BMAL2: variants seen among roughly 807,000 people sequenced by gnomAD.
The protein encoded by BMAL2 is basic helix-loop-helix ARNT like 2, also known as basic helix-loop-helix ARNT-like protein 2.
the BMAL2 span, among the ~76,000 whole-genome samples, chr12:27,333,868 T>C: frequency 4.6e-5 from 7 of 152,276 alleles, no homozygotes; most frequent in Admixed American, 4.6e-4. Context: ...ACTGGCAGTA[T>C]TCTGTAGTTC....
At chr12:27,365,528 C>A in the BMAL2 span, among the ~76,000 whole-genome samples, 2 of 151,750 alleles carry the variant, frequency 1.3e-5, no homozygotes, top group Non-Finnish European at 2.9e-5. Flanking sequence ...CTCTTTTTTT[C>A]ATATAGTGGA....
the BMAL2 span, among the ~76,000 whole-genome samples, chr12:27,381,168 A>G: frequency 6.6e-6 from 1 of 152,140 alleles, no homozygotes; most frequent in Non-Finnish European, 1.5e-5. Context: ...CACTGGGGGA[A>G]GGAGGTCCTT....
At chr12:27,365,857 G>A in the BMAL2 span, among the ~76,000 whole-genome samples, 16 of 150,410 alleles carry the variant, frequency 1.1e-4, no homozygotes, top group African/African-American at 2.2e-4. Context: ...ATTATTTCTG[G>A]TCTTATGATT....
chr12:27,408,831 A>G, the BMAL2 span, among the ~76,000 whole-genome samples: 4 of 152,236 alleles, frequency 2.6e-5, no homozygotes, highest in Non-Finnish European at 5.9e-5. Context: ...ACATGATTGT[A>G]TATCTAGAAA....
the BMAL2 span, among the ~76,000 whole-genome samples, chr12:27,354,657 T>A: frequency 0.45 from 68,045 of 152,098 alleles, 15,376 homozygotes; most frequent in Admixed American, 0.52. Context: ...TATCTTCATG[T>A]TTTGTGTATA....
the BMAL2 span, among the ~76,000 whole-genome samples, chr12:27,346,203 T>C: frequency 4.4e-4 from 66 of 149,220 alleles, no homozygotes; most frequent in East Asian, 0.012. Context: ...ATTTACCTTC[T>C]TACTTATTCC....
the BMAL2 span, among the ~76,000 whole-genome samples, chr12:27,362,892 C>T: frequency 1.3e-5 from 2 of 152,174 alleles, no homozygotes; most frequent in South Asian, 4.1e-4. Flanking sequence ...TAACCCTCAA[C>T]TCCTGGACTC....
At chr12:27,392,974 A>G in the BMAL2 span, among the ~76,000 whole-genome samples, 5 of 149,890 alleles carry the variant, frequency 3.3e-5, no homozygotes, top group East Asian at 9.9e-4. Flanking sequence ...AAAGCTTGCA[A>G]CTCTACAGGC....
the BMAL2 span, among the ~76,000 whole-genome samples, chr12:27,390,968 A>G: frequency 7.9e-5 from 12 of 152,340 alleles, no homozygotes; most frequent in African/African-American, 2.6e-4. Flanking sequence ...TTTGACAAAC[A>G]CCTGAAACGG....
chr12:27,350,674 G>A, the BMAL2 span, among the ~76,000 whole-genome samples: 1 of 152,098 alleles, frequency 6.6e-6, no homozygotes, highest in Non-Finnish European at 1.5e-5. Context: ...AAACTTTTTA[G>A]TGTATTTCTT....
chr12:27,414,824 C>T, the BMAL2 span, among the ~76,000 whole-genome samples: 2 of 152,068 alleles, frequency 1.3e-5, no homozygotes, highest in Admixed American at 6.5e-5. Flanking sequence ...ATAGAAATGA[C>T]TGATGAAACT....
chr12:27,377,899 G>A, the BMAL2 span, among the ~76,000 whole-genome samples: 678 of 152,202 alleles, frequency 4.5e-3, 6 homozygotes, highest in African/African-American at 0.014. Context: ...TGAATGGTTG[G>A]GGCAGGGGGT....
At chr12:27,340,241 A>G in the BMAL2 span, among the ~76,000 whole-genome samples, 1 of 152,086 alleles carries the variant, frequency 6.6e-6, no homozygotes, top group Non-Finnish European at 1.5e-5. Context: ...TGGATTTTAC[A>G]TTTAAGTCTT....
At chr12:27,404,514 C>T in the BMAL2 span, among the ~76,000 whole-genome samples, 1 of 152,016 alleles carries the variant, frequency 6.6e-6, no homozygotes. Flanking sequence ...ACTGTATAAC[C>T]ATTTGGGGAA....
At chr12:27,385,356 A>T in the BMAL2 span, 1 of 557,416 alleles carries the variant, frequency 1.8e-6, no homozygotes. Flanking sequence ...AAAAAAAATG[A>T]TTACAGAAAA....
chr12:27,407,685 T>A, the BMAL2 span, among the ~76,000 whole-genome samples: 2 of 151,928 alleles, frequency 1.3e-5, no homozygotes, highest in Non-Finnish European at 2.9e-5. Context: ...TTAAAAGAAC[T>A]AGAGAAGCAA....
chr12:27,398,823 T>G, the BMAL2 span, among the ~76,000 whole-genome samples: 5 of 152,364 alleles, frequency 3.3e-5, no homozygotes, highest in African/African-American at 1.2e-4. Flanking sequence ...TTTTAGTCAG[T>G]ATCATTCATA....
chr12:27,411,822 T>C, the BMAL2 span, among the ~76,000 whole-genome samples: 145 of 152,362 alleles, frequency 9.5e-4, 2 homozygotes, highest in South Asian at 0.012. Context: ...ATCAGGTTTT[T>C]TGATGTACAA....
the BMAL2 span, chr12:27,418,235 T>C: frequency 1.5e-6 from 2 of 1,356,530 alleles, no homozygotes; most frequent in Non-Finnish European, 2.1e-6. Flanking sequence ...TTTTCGTTTA[T>C]CAAAACCCCC....
Sources: allele counts gnomAD v4.1 joint callset (sites outside exome capture counted in the v4.1 genomes callset), GRCh38; gene constraint gnomAD v4.1.1; transcripts MANE v1.5; gene names NCBI Gene and HGNC (gene_info 2026-07-23, HGNC 2026-07-21).